The following TRPV1 variants were observed in gnomAD, a reference collection of about 807,000 sequenced individuals.
TRPV1 encodes the protein transient receptor potential cation channel subfamily V member 1.
TRPV1 carries 82 observed loss-of-function variants against 82.3 expected under a neutral mutation model. The ratio of observed to expected loss-of-function variants is 1.00; its 90% CI spans 0.83 to 1.20. The LOEUF (loss-of-function observed/expected upper bound fraction) is 1.20, where lower values mean the gene tolerates loss of function less well. TRPV1 is among the 50% of genes most tolerant of loss of function. The pLI, the probability that TRPV1 is intolerant of heterozygous loss-of-function variation, is 0.00. For synonymous variants in TRPV1, 515 were observed against 467.7 expected (o/e 1.10, Z -1.30); for missense variants, 1,067 against 1,096.8 (o/e 0.97, Z 0.38).
In TRPV1 at chr17:3,586,513, T is replaced by C. The variant is rs556634516; in HGVS notation, c.1225-587A>G. Among the ~76,000 whole-genome samples the C allele has an allele frequency of 3.2e-3, 488 of 152,380 alleles. 1 individual carries two copies. The highest frequency in any genetic ancestry group is 5.3e-3 in the Non-Finnish European group (364 of 68,038). On this transcript the variant is annotated intron_variant, in intron 8 of 16. Coordinates refer to ENST00000572705, the MANE Select transcript of TRPV1 (RefSeq NM_080704.4). ...TAGGCCGGGTGTAGTGGCTCACGCC[T>C]GTAATCCCAGCACTCTGGGAGGCCG... is the stretch of plus-strand genomic sequence containing the variant.
chr17:3,588,497 C>T (rs908552055), intron 7 of TRPV1, 130 bp from the exon 8 acceptor site: 18 of 1,008,908 alleles, frequency 1.8e-5, no homozygotes, highest in Non-Finnish European at 2.0e-5. Flanking sequence ...TCCCCACCCA[C>T]TCCTGACCAC....
At chr17:3,603,145 A>T (rs1050489160) in intron 2 of TRPV1, among the ~76,000 whole-genome samples, 2 of 151,718 alleles carry the variant, frequency 1.3e-5, no homozygotes, top group African/African-American at 4.8e-5. Context: ...AAAATTAAAA[A>T]AAAAAAGAAA....
Position 3,592,136 on chromosome 17 carries a change from G to T in TRPV1, c.215C>A (p.Ser72Tyr), listed in dbSNP as rs528190496. 43 of 1,613,924 alleles carry T rather than the reference G, an allele frequency of 2.7e-5. No homozygotes were observed. In the African/African-American group the frequency reaches 5.5e-4, roughly 21 times the overall value. The change falls in exon 3 of 17, where the codon TCC becomes TAC. Residue 72 changes from serine (S) to tyrosine (Y), a missense_variant. Transcript: ENST00000572705. The stretch of plus-strand genomic sequence containing the variant: ...AGGGCTGACTGTGATGGTCGGGCAG[G>T]AGTCCAGCTCACCTTCCTCGTGAGG... ...DCPHEEGELD[S>Y]CPTITVSPVI...
At chr17:3,583,269 G>T in intron 10 of TRPV1, 69 bp downstream of exon 10, 2 of 1,331,134 alleles carry the variant, frequency 1.5e-6, no homozygotes, top group Non-Finnish European at 2.1e-6. Context: ...GTGAGTGAGC[G>T]CTGAGGGATC....
intron 2 of TRPV1, among the ~76,000 whole-genome samples, chr17:3,598,757 G>C (rs924797310): frequency 4.0e-5 from 6 of 150,828 alleles, no homozygotes; most frequent in Admixed American, 1.3e-4. Context: ...GTAGAGGCTG[G>C]GTTTCACCAT....
intron 2 of TRPV1, among the ~76,000 whole-genome samples, chr17:3,601,041 C>T (rs558325545): frequency 1.4e-4 from 22 of 152,162 alleles, no homozygotes; most frequent in Non-Finnish European, 2.5e-4. Flanking sequence ...CAGCATAACC[C>T]ACAATGGGCT....
In TRPV1 at chr17:3,576,667, AAAT is replaced by A. The variant is rs1465841297; in HGVS notation, c.1780+456_1780+458del. Among the ~76,000 whole-genome samples the A allele has an allele frequency of 8.1e-5, 5 of 61,644 alleles. No homozygotes were observed. In the East Asian group the frequency reaches 2.8e-3, roughly 35 times the overall value. 40.4% of individuals were successfully genotyped at this position (61,644 alleles called of 152,430 possible). On this transcript the variant is annotated intron_variant, in intron 13 of 16. Coordinates refer to ENST00000572705, the MANE Select transcript of TRPV1 (RefSeq NM_080704.4). ...ACTCTGTATGAGAAAAAAAAAAAAAAAATATATATATATATATATATATGCATA... is the reference window on the plus strand; with the variant it reads ...ACTCTGTATGAGAAAAAAAAAAAAAAATATATATATATATATATATGCATA...
chr17:3,572,042 G>T, intron 15 of TRPV1, 80 bp downstream of exon 15: 1 of 1,545,380 alleles, frequency 6.5e-7, no homozygotes. Context: ...GCCCCTCATG[G>T]AGGCCCTGAG....
At chr17:3,572,743 G>A (rs897302823) in intron 14 of TRPV1, among the ~76,000 whole-genome samples, 1 of 152,218 alleles carries the variant, frequency 6.6e-6, no homozygotes, top group Non-Finnish European at 1.5e-5. Flanking sequence ...AGCACTTTGG[G>A]AGGCCAAGGC....
chr17:3,588,056 G>A, intron 8 of TRPV1, 132 bp downstream of exon 8: 1 of 1,028,256 alleles, frequency 9.7e-7, no homozygotes, highest in Non-Finnish European at 1.4e-6. Flanking sequence ...GGAACGTGAG[G>A]CTGCAGGGCC....
In TRPV1 at chr17:3,577,142, C is replaced by A; in HGVS notation, c.1764G>T (p.Leu588Phe). 6.3e-7 allele frequency: 1 copy of A among 1,588,084 alleles called. No individual in the cohort carries two copies. The highest frequency in any genetic ancestry group is 8.6e-7 in the Non-Finnish European group (1 of 1,167,648). ...CRFMFVYIVF[L>F]FGFSTAVVTL... ...GCTCATTACCTGTGGAAAACCCGAA[C>A]AAGAAGACGATGTAGACAAACATGA... The change falls in exon 13 of 17, where the codon TTG (leucine) becomes TTT (phenylalanine). Residue 588 changes from leucine (L) to phenylalanine (F), a missense_variant. Coordinates refer to ENST00000572705, the MANE Select transcript of TRPV1 (RefSeq NM_080704.4).
At position 3,592,510 on chromosome 17, in the gene TRPV1, C is replaced by T. The variant is rs2075172503; in HGVS notation, c.-33-127G>A. 3.2e-6 allele frequency: 3 copies of T among 939,558 alleles called. No individual in the cohort carries two copies. In the Admixed American group the frequency reaches 8.4e-5, roughly 26 times the overall value. 58.2% of individuals were successfully genotyped at this position (939,558 alleles called of 1,614,324 possible). ...CCAAAACTCCAACTTGCTGCTGCCC[C>T]CAGCCCCCTAGAACTGAAGTGTTTC... On this transcript the variant is annotated intron_variant, in intron 2 of 16. Transcript: ENST00000572705.
At chr17:3,606,965 G>A (rs536786743) in intron 2 of TRPV1, among the ~76,000 whole-genome samples, 111 of 152,278 alleles carry the variant, frequency 7.3e-4, no homozygotes, top group African/African-American at 2.2e-3. Flanking sequence ...GACAAAGGAC[G>A]CTGGTAAACT....
rs1208792479 is a variant in TRPV1, at chr17:3,591,309, A to C, written c.329T>G (p.Leu110Arg). The stretch of plus-strand genomic sequence containing the variant: ...GATACTCCTGCGATCATAGAGCCTG[A>C]GGGTCTTCTCGGTGCTGGCGGCGAC... Reference protein sequence around the residue: ...DSVAASTEKTLRLYDRRSIFE... With the variant: ...DSVAASTEKTRRLYDRRSIFE... Residue 110 changes from leucine (L) to arginine (R), a missense_variant, in exon 4 of 17, where the codon CTC (leucine) becomes CGC (arginine). Coordinates refer to ENST00000572705, the MANE Select transcript of TRPV1 (RefSeq NM_080704.4). 6.2e-7 allele frequency: 1 copy of C among 1,606,976 alleles called. No individual in the cohort carries two copies. Among genetic ancestry groups the C allele is most frequent in the South Asian group, 1.1e-5 (1 of 90,742 alleles).
At position 3,583,352 on chromosome 17, in the gene TRPV1, A is replaced by G; in HGVS notation, c.1462T>C (p.Phe488Leu). ...EILSVLGGVY[F>L]FFRGIQYFLQ... ...GGAACGCTTACCCCTCGGAAAAAGA[A>G]GTAGACTCCTCCTAACACAGACAGG... The change falls in exon 10 of 17, where the codon TTC (phenylalanine) becomes CTC (leucine). Residue 488 changes from phenylalanine (F) to leucine (L), a missense_variant. Transcript: ENST00000572705. 6.2e-7 allele frequency: 1 copy of G among 1,609,452 alleles called. No individual in the cohort carries two copies. Among genetic ancestry groups the G allele is most frequent in the Non-Finnish European group, 8.5e-7 (1 of 1,177,788 alleles).
At position 3,591,071 on chromosome 17, in the gene TRPV1, A is replaced by G. The variant is rs1256313784; in HGVS notation, c.497T>C (p.Leu166Pro). ...GATGGTGGTGTTCTGTCCGTCGTGC[A>G]GGTTGAGCATGGCTTTCAGCAGACA... ...KTCLLKAMLN[L>P]HDGQNTTIPL... The change falls in exon 5 of 17, where the codon CTG becomes CCG. Residue 166 changes from leucine (L) to proline (P), a missense_variant. Physicochemically the swap from Leu to Pro is moderately conservative, Grantham distance 98 (BLOSUM62 -3). Transcript: ENST00000572705. 4 of 1,613,040 alleles carry G rather than the reference A, an allele frequency of 2.5e-6. No individual in the cohort carries two copies. The highest frequency in any genetic ancestry group is 2.7e-5 in the African/African-American group (2 of 74,908).
chr17:3,566,694 A>G lies in TRPV1; in HGVS notation c.*121T>C, dbSNP rs1163532099. ...GCTTGTCCAGCACAGATTTGGGAAC[A>G]TGCTGGGCAGGCACAGACCAGGCCA... On this transcript the variant is annotated 3_prime_UTR_variant, in exon 17 of 17. Coordinates refer to ENST00000572705, the MANE Select transcript of TRPV1 (RefSeq NM_080704.4). The G allele has an allele frequency of 4.8e-6, 6 of 1,256,894 alleles. No individual in the cohort carries two copies. The highest frequency in any genetic ancestry group is 2.6e-5 in the Admixed American group (1 of 38,374). The allele number at this position is 1,256,894 out of a possible 1,614,324, so 77.9% of individuals were successfully genotyped here. A position where few individuals can be genotyped will look rare whatever the true frequency, so the allele number is the denominator to read the frequency against.
intron 16 of TRPV1, 127 bp from the exon 17 acceptor site, chr17:3,567,114 T>G (rs2074774642): frequency 9.1e-7 from 1 of 1,104,406 alleles, no homozygotes. Flanking sequence ...TCCCAGCACT[T>G]TGGGAGGCCG....
At chr17:3,574,161 TAA>T (rs1348759411) in intron 13 of TRPV1, among the ~76,000 whole-genome samples, 1 of 152,306 alleles carries the variant, frequency 6.6e-6, no homozygotes, top group African/African-American at 2.4e-5. Context: ...AATAAATATA[TAA>T]GTCTCTATGT....
Sources: allele counts gnomAD v4.1 joint callset (sites outside exome capture counted in the v4.1 genomes callset), GRCh38; gene constraint gnomAD v4.1.1; transcripts MANE v1.5; gene names NCBI Gene and HGNC (gene_info 2026-07-23, HGNC 2026-07-21).